The following TBC1D19 variants were observed in gnomAD, a reference collection of about 807,000 sequenced individuals.
TBC1D19 encodes TBC1 domain family, member 19.
Under a neutral mutation model 89.0 loss-of-function variants are expected in TBC1D19, and 60 were observed. That is an observed-to-expected ratio of 0.67 (90% CI 0.55 to 0.84). The LOEUF is 0.84. TBC1D19 is among the 40% of genes least tolerant of loss of function. The pLI is 0.00. For synonymous variants in TBC1D19, 189 were observed against 199.7 expected (o/e 0.95, Z 0.45); for missense variants, 500 against 610.8 (o/e 0.82, Z 1.91).
In TBC1D19 at chr4:26,670,027, T is replaced by C. The variant is rs1278802439; in HGVS notation, c.665-2122T>C. Among the ~76,000 whole-genome samples the C allele has an allele frequency of 2.0e-5, 3 of 151,708 alleles. No individual in the cohort carries two copies. The East Asian group carries it at 5.8e-4, about 29-fold the overall frequency. ...ACTGTCTCCAGTGCCTGTAATATAC[T>C]GTTTGTTATTTTCTGAAAGTTTACT... On this transcript the variant is annotated intron_variant, in intron 9 of 20. Transcript: ENST00000264866.
chr4:26,609,261 A>C (rs1376161948), intron 1 of TBC1D19, among the ~76,000 whole-genome samples: 1 of 152,150 alleles, frequency 6.6e-6, no homozygotes, highest in Non-Finnish European at 1.5e-5. Flanking sequence ...AATTTTGTCA[A>C]GCAATAATTA....
intron 18 of TBC1D19, among the ~76,000 whole-genome samples, chr4:26,742,981 A>G (rs1050438779): frequency 3.9e-5 from 6 of 152,144 alleles, no homozygotes; most frequent in Admixed American, 1.3e-4. Context: ...AGAATAACCT[A>G]TGAAAACTAT....
At chr4:26,803,777 T>G in the TBC1D19 span, among the ~76,000 whole-genome samples, 1 of 151,590 alleles carries the variant, frequency 6.6e-6, no homozygotes. Context: ...GCTGGTGGGG[T>G]TTCTGGCAGA....
intron 7 of TBC1D19, among the ~76,000 whole-genome samples, chr4:26,647,823 T>G (rs527908876): frequency 6.6e-6 from 1 of 152,244 alleles, no homozygotes; most frequent in African/African-American, 2.4e-5. Context: ...TACTTGTGTC[T>G]TTGCTTAAAT....
chr4:26,737,677 C>G (rs1278277162), intron 16 of TBC1D19, among the ~76,000 whole-genome samples: 1 of 152,096 alleles, frequency 6.6e-6, no homozygotes, highest in Non-Finnish European at 1.5e-5. Flanking sequence ...TAAACATCCA[C>G]AAAAACTTTA....
intron 13 of TBC1D19, among the ~76,000 whole-genome samples, chr4:26,715,848 G>A (rs887284001): frequency 6.6e-6 from 1 of 152,042 alleles, no homozygotes; most frequent in Non-Finnish European, 1.5e-5. Context: ...GGATCTCTGG[G>A]TGGTGTGTCA....
At chr4:26,749,924 G>T (rs1461283680) in intron 19 of TBC1D19, among the ~76,000 whole-genome samples, 1 of 152,004 alleles carries the variant, frequency 6.6e-6, no homozygotes, top group African/African-American at 2.4e-5. Context: ...GGAAATAATG[G>T]TCTGCCCTCA....
At chr4:26,659,124 A>G (rs948206641) in intron 7 of TBC1D19, among the ~76,000 whole-genome samples, 1 of 152,172 alleles carries the variant, frequency 6.6e-6, no homozygotes, top group Admixed American at 6.5e-5. Flanking sequence ...ATTATGTTGA[A>G]TAGGAGTGGT....
At chr4:26,766,558 G>A in the TBC1D19 span, among the ~76,000 whole-genome samples, 1 of 152,202 alleles carries the variant, frequency 6.6e-6, no homozygotes, top group Non-Finnish European at 1.5e-5. Context: ...GTAGTTGAAA[G>A]AGGAGGGGAG....
intron 13 of TBC1D19, among the ~76,000 whole-genome samples, chr4:26,691,878 T>C (rs1714321030): frequency 6.6e-6 from 1 of 152,188 alleles, no homozygotes; most frequent in South Asian, 2.1e-4. Flanking sequence ...GTGGAAATTA[T>C]CAGTTCTTAA....
chr4:26,698,959 A>T (rs907954333), intron 13 of TBC1D19, among the ~76,000 whole-genome samples: 11 of 152,234 alleles, frequency 7.2e-5, no homozygotes, highest in Non-Finnish European at 1.5e-4. Context: ...ATGGGCAAGG[A>T]CTTCATGTCT....
At chr4:26,801,834 C>T in the TBC1D19 span, among the ~76,000 whole-genome samples, 1 of 152,036 alleles carries the variant, frequency 6.6e-6, no homozygotes, top group African/African-American at 2.4e-5. Context: ...AATTCATGTG[C>T]AATCAGGGAG....
At chr4:26,797,393 A>G in the TBC1D19 span, among the ~76,000 whole-genome samples, 567 of 152,354 alleles carry the variant, frequency 3.7e-3, 6 homozygotes, top group African/African-American at 0.013. Flanking sequence ...GAAATTGTAG[A>G]TGATATAAAC....
At chr4:26,808,272 G>A in the TBC1D19 span, among the ~76,000 whole-genome samples, 3 of 152,114 alleles carry the variant, frequency 2.0e-5, no homozygotes, top group Admixed American at 1.3e-4. Flanking sequence ...AAGTGATGAC[G>A]TACACAAGTT....
intron 7 of TBC1D19, among the ~76,000 whole-genome samples, chr4:26,651,106 T>G (rs1195715748): frequency 6.6e-6 from 1 of 152,198 alleles, no homozygotes; most frequent in Non-Finnish European, 1.5e-5. Flanking sequence ...CCATGCTGTT[T>G]TGGTTACTGT....
the TBC1D19 span, among the ~76,000 whole-genome samples, chr4:26,849,351 G>A: frequency 6.6e-6 from 1 of 152,156 alleles, no homozygotes; most frequent in African/African-American, 2.4e-5. Flanking sequence ...TTCACTTTAT[G>A]TATTTAAAAA....
At chr4:26,704,693 C>T (rs1715594577) in intron 13 of TBC1D19, among the ~76,000 whole-genome samples, 1 of 151,830 alleles carries the variant, frequency 6.6e-6, no homozygotes, top group Non-Finnish European at 1.5e-5. Context: ...TTTGATAAAT[C>T]CCCCAATAGA....
At chr4:26,661,651 G>A (rs981944503) in intron 8 of TBC1D19, among the ~76,000 whole-genome samples, 2 of 152,130 alleles carry the variant, frequency 1.3e-5, no homozygotes, top group African/African-American at 4.8e-5. Context: ...ACCACTAATA[G>A]GCATTTCAGG....
intron 4 of TBC1D19, 95 bp downstream of exon 4, chr4:26,620,783 A>G (rs1172192850): frequency 9.3e-7 from 1 of 1,070,600 alleles, no homozygotes; most frequent in Non-Finnish European, 1.3e-6. Flanking sequence ...TGTATTATTA[A>G]TTATGAAATA....
Sources: allele counts gnomAD v4.1 joint callset (sites outside exome capture counted in the v4.1 genomes callset), GRCh38; gene constraint gnomAD v4.1.1; transcripts MANE v1.5; gene names NCBI Gene and HGNC (gene_info 2026-07-23, HGNC 2026-07-21).